Variants in OPHN1 observed in about 807,000 individuals in gnomAD.
The protein encoded by OPHN1 is oligophrenin 1, also known as oligophrenin-1.
A neutral mutation model predicts 60.7 loss-of-function variants in OPHN1; 11 were observed. The ratio of observed to expected loss-of-function variants is 0.18; its 90% confidence interval spans 0.11 to 0.30. The LOEUF is 0.30. Ranked by LOEUF, OPHN1 falls within the 10% of genes least tolerant of loss-of-function variation. The pLI, the probability that OPHN1 is intolerant of heterozygous loss-of-function variation, is 1.00. For missense variants in OPHN1, 449 were observed against 611.0 expected, an observed-to-expected ratio of 0.73 and a Z score of 2.80; for synonymous variants, 226 against 222.6, an observed-to-expected ratio of 1.02 and a Z score of -0.14.
At chrX:68,231,283 C>T (rs973053786) in intron 6 of OPHN1, among the ~76,000 whole-genome samples, 2 of 111,934 alleles carry the variant, frequency 1.8e-5, no homozygotes, top group African/African-American at 6.5e-5. Context: ...TCTGCCATTA[C>T]TTTTAATGGT....
At chrX:68,194,053 G>T in intron 13 of OPHN1, 101 bp from the exon 14 acceptor site, 1 of 698,407 alleles carries the variant, frequency 1.4e-6, no homozygotes. Context: ...AGAGCTAAGG[G>T]TTTTTAGTTG....
chrX:68,093,381 T>A (rs1403676733), intron 19 of OPHN1, among the ~76,000 whole-genome samples: 1 of 111,921 alleles, frequency 8.9e-6, no homozygotes, highest in Non-Finnish European at 1.9e-5. Flanking sequence ...CAAATATTAA[T>A]TAACATCCCT....
intron 2 of OPHN1, among the ~76,000 whole-genome samples, chrX:68,407,642 G>T: frequency 8.9e-6 from 1 of 111,748 alleles, no homozygotes; most frequent in East Asian, 2.8e-4. Context: ...TAACATATCA[G>T]AATAAATAAG....
At chrX:68,118,895 A>G (rs2077138543) in intron 16 of OPHN1, among the ~76,000 whole-genome samples, 1 of 111,947 alleles carries the variant, frequency 8.9e-6, no homozygotes, top group South Asian at 3.7e-4. Context: ...CCTCTAAAAC[A>G]TGTTAGCCAC....
intron 2 of OPHN1, among the ~76,000 whole-genome samples, chrX:68,412,560 G>A (rs759401962): frequency 9.0e-6 from 1 of 111,648 alleles, no homozygotes; most frequent in Non-Finnish European, 1.9e-5. Context: ...GGAGATGGGT[G>A]GTGGTGATGG....
At position 68,309,001 on chromosome X, in the gene OPHN1, G is replaced by A. The variant is rs762573863; in HGVS notation, c.155-9905C>T. 1.2e-4 allele frequency among the ~76,000 whole-genome samples: 13 copies of A among 110,610 alleles called. No individual in the cohort carries two copies. In the South Asian group the frequency reaches 3.9e-3, roughly 34 times the overall value. ...AGGGTCACACTATATTGAGGAGGCC[G>A]ATCTCAAACTCCTGTGCTCAAGCAA... On this transcript the variant is annotated intron_variant, in intron 2 of 24. Coordinates refer to ENST00000355520, the MANE Select transcript of OPHN1 (RefSeq NM_002547.3).
At chrX:68,218,722 C>G (rs1331581453) in intron 6 of OPHN1, among the ~76,000 whole-genome samples, 1 of 95,811 alleles carries the variant, frequency 1.0e-5, no homozygotes, top group African/African-American at 3.8e-5. Context: ...TACAGACAAG[C>G]AAATGCTGAG....
At chrX:68,202,716 C>T (rs373848204) in intron 10 of OPHN1, among the ~76,000 whole-genome samples, 3 of 109,152 alleles carry the variant, frequency 2.7e-5, no homozygotes, top group Non-Finnish European at 3.8e-5. Flanking sequence ...AGGGTGGTCT[C>T]GAACTCCTGA....
intron 2 of OPHN1, among the ~76,000 whole-genome samples, chrX:68,365,303 T>C (rs1397608670): frequency 2.8e-5 from 3 of 107,493 alleles, no homozygotes; most frequent in Admixed American, 2.0e-4. Context: ...AAAAAAAAAA[T>C]TGGAATTTGA....
At chrX:68,132,118 T>G (rs1218318332) in intron 15 of OPHN1, among the ~76,000 whole-genome samples, 1 of 111,974 alleles carries the variant, frequency 8.9e-6, no homozygotes, top group Non-Finnish European at 1.9e-5. Context: ...GGCTGTGGGT[T>G]TGTCATAGAT....
At chrX:68,346,635 A>C (rs1435028436) in intron 2 of OPHN1, among the ~76,000 whole-genome samples, 1 of 112,032 alleles carries the variant, frequency 8.9e-6, no homozygotes, top group Non-Finnish European at 1.9e-5. Flanking sequence ...GAACAAATGT[A>C]ATCTCTGATT....
At chrX:68,368,658 T>C (rs929001821) in intron 2 of OPHN1, among the ~76,000 whole-genome samples, 4 of 111,815 alleles carry the variant, frequency 3.6e-5, no homozygotes, top group Non-Finnish European at 7.5e-5. Flanking sequence ...AGCTAGTTTA[T>C]AAGTGCAATG....
chrX:68,299,630 T>C (rs1300753558), intron 2 of OPHN1, among the ~76,000 whole-genome samples: 1 of 111,602 alleles, frequency 9.0e-6, no homozygotes, highest in African/African-American at 3.3e-5. Context: ...TGGGTTAGGA[T>C]GCTATCTGGA....
intron 5 of OPHN1, among the ~76,000 whole-genome samples, chrX:68,252,652 T>C (rs754969725): frequency 8.9e-6 from 1 of 112,336 alleles, no homozygotes; most frequent in African/African-American, 3.2e-5. Context: ...ATGATGATGA[T>C]GAATTGGCAT....
At chrX:68,331,189 G>T (rs965943073) in intron 2 of OPHN1, among the ~76,000 whole-genome samples, 9 of 104,611 alleles carry the variant, frequency 8.6e-5, no homozygotes, top group African/African-American at 1.4e-4. Flanking sequence ...ATACAATATA[G>T]TACATAATTA....
intron 2 of OPHN1, among the ~76,000 whole-genome samples, chrX:68,345,358 T>C (rs754939264): frequency 5.5e-4 from 62 of 111,738 alleles, no homozygotes; most frequent in Non-Finnish European, 9.8e-4. Flanking sequence ...AAGAAATAAT[T>C]TGAAAGGAGA....
intron 2 of OPHN1, among the ~76,000 whole-genome samples, chrX:68,302,001 A>G (rs2078123373): frequency 8.9e-6 from 1 of 112,644 alleles, no homozygotes; most frequent in African/African-American, 3.2e-5. Flanking sequence ...ACTCCTTTGT[A>G]TCGGACTCAT....
chrX:68,144,542 A>G (rs1288447079), intron 15 of OPHN1, among the ~76,000 whole-genome samples: 3 of 112,116 alleles, frequency 2.7e-5, no homozygotes, highest in Admixed American at 9.5e-5. Flanking sequence ...AGTAAAAAGA[A>G]AACATCAGGA....
At chrX:68,396,920 T>C (rs2078687714) in intron 2 of OPHN1, among the ~76,000 whole-genome samples, 1 of 111,967 alleles carries the variant, frequency 8.9e-6, no homozygotes, top group African/African-American at 3.2e-5. Context: ...TCCTCTCCCA[T>C]CCCAGGGGAG....
Sources: gnomAD v4.1 joint callset for allele counts (sites outside exome capture counted in the v4.1 genomes callset) on GRCh38, gnomAD v4.1.1 for gene constraint, MANE v1.5 for transcripts, NCBI Gene and HGNC (gene_info 2026-07-23, HGNC 2026-07-21) for gene names.